Variants in GFRAL observed in about 807,000 individuals in gnomAD.
GFRAL encodes the protein GDNF family receptor alpha-like.
In GFRAL, 36 loss-of-function variants were observed where a neutral mutation model predicts 45.4. The ratio of observed to expected loss-of-function variants is 0.79; its 90% CI spans 0.61 to 1.05. The LOEUF (loss-of-function observed/expected upper bound fraction) is 1.05, where lower values mean the gene tolerates loss of function less well. Ranked by LOEUF, GFRAL falls within the 50% of genes least tolerant of loss-of-function variation. The pLI, the probability that GFRAL is intolerant of heterozygous loss-of-function variation, is 0.00. For synonymous variants in GFRAL, 166 were observed against 154.1 expected (o/e 1.08, Z -0.57); for missense variants, 507 against 467.5 (o/e 1.08, Z -0.78).
chr6:55,342,562 T>C (rs973772079), intron 3 of GFRAL, among the ~76,000 whole-genome samples: 6 of 152,100 alleles, frequency 3.9e-5, no homozygotes, highest in Admixed American at 2.0e-4. Context: ...ACCCAGCCAC[T>C]GAAAAACTCA....
At chr6:55,355,412 T>C (rs1192288021) in intron 5 of GFRAL, among the ~76,000 whole-genome samples, 1 of 152,090 alleles carries the variant, frequency 6.6e-6, no homozygotes, top group Non-Finnish European at 1.5e-5. Context: ...ATTGCATGGA[T>C]GTAGCTTAAT....
At chr6:55,376,425 G>A (rs1768535424) in intron 6 of GFRAL, among the ~76,000 whole-genome samples, 2 of 152,232 alleles carry the variant, frequency 1.3e-5, no homozygotes, top group South Asian at 2.1e-4. Context: ...AATAGTTTCA[G>A]TAGAAATGGT....
intron 3 of GFRAL, among the ~76,000 whole-genome samples, chr6:55,347,340 T>C (rs914935401): frequency 2.0e-5 from 3 of 152,122 alleles, no homozygotes; most frequent in Non-Finnish European, 4.4e-5. Context: ...AAGTCGATCA[T>C]TGGTGTGGCA....
rs377382550 is a variant in GFRAL at position 55,331,860 on chromosome 6, T to A, written c.157+11T>A. 1 of 1,603,156 alleles carries A rather than the reference T, an allele frequency of 6.2e-7. No homozygotes were observed. Among genetic ancestry groups the A allele is most frequent in the Non-Finnish European group, 8.5e-7 (1 of 1,175,396 alleles). On this transcript the variant is annotated intron_variant, in intron 2 of 8. Coordinates refer to ENST00000340465, the MANE Select transcript of GFRAL (RefSeq NM_207410.2). The stretch of plus-strand genomic sequence containing the variant: ...CCTGCAATGATTCAGGTAAACAAGT[T>A]GCTAAAAATACACTCAAATGATTTA...
At chr6:55,353,517 T>C (rs1038364607) in intron 5 of GFRAL, among the ~76,000 whole-genome samples, 1 of 151,838 alleles carries the variant, frequency 6.6e-6, no homozygotes. Context: ...TATTCAAGAA[T>C]TTTTCATGCA....
At chr6:55,336,410 G>A (rs1436513564) in intron 3 of GFRAL, among the ~76,000 whole-genome samples, 1 of 152,076 alleles carries the variant, frequency 6.6e-6, no homozygotes, top group Non-Finnish European at 1.5e-5. Flanking sequence ...TAACTTCATT[G>A]ATGTAGTTCA....
intron 6 of GFRAL, among the ~76,000 whole-genome samples, chr6:55,393,337 G>A (rs115986392): frequency 0.016 from 2,422 of 152,130 alleles, 34 homozygotes; most frequent in South Asian, 0.033. Context: ...TTTACTTATG[G>A]GATCTTTTGT....
chr6:55,391,489 C>A lies in GFRAL; in HGVS notation c.953-7691C>A, dbSNP rs937371130. On this transcript the variant is annotated intron_variant, in intron 6 of 8. Transcript: ENST00000340465. ...CAAAGGGCTACACATAGTGGCTCATCCATGTAATCCTAGAGCTTTGGGAGG... is the reference window on the plus strand; with the variant it reads ...CAAAGGGCTACACATAGTGGCTCATACATGTAATCCTAGAGCTTTGGGAGG... Among the ~76,000 whole-genome samples, 3 of 152,140 alleles carry A rather than the reference C, an allele frequency of 2.0e-5. No homozygotes were observed. In the East Asian group the frequency reaches 5.8e-4, roughly 29 times the overall value.
At chr6:55,345,274 T>C (rs565773837) in intron 3 of GFRAL, among the ~76,000 whole-genome samples, 1,992 of 152,220 alleles carry the variant, frequency 0.013, 23 homozygotes, top group Non-Finnish European at 0.022. Flanking sequence ...GGAGGCATCT[T>C]GCTACCTGAC....
chr6:55,393,909 G>T (rs1310304696), intron 6 of GFRAL, among the ~76,000 whole-genome samples: 1 of 152,116 alleles, frequency 6.6e-6, no homozygotes, highest in East Asian at 1.9e-4. Context: ...AGGCAGAAGT[G>T]AAAACAGGAA....
chr6:55,392,293 T>A (rs1038392751), intron 6 of GFRAL, among the ~76,000 whole-genome samples: 1 of 152,222 alleles, frequency 6.6e-6, no homozygotes, highest in African/African-American at 2.4e-5. Context: ...GGGAGCAAGG[T>A]CATGCATCAT....
intron 5 of GFRAL, among the ~76,000 whole-genome samples, chr6:55,354,684 C>T (rs570885804): frequency 6.6e-6 from 1 of 151,940 alleles, no homozygotes; most frequent in Non-Finnish European, 1.5e-5. Flanking sequence ...TAATGTAATT[C>T]AGATGAAAAA....
chr6:55,375,373 C>G (rs1768509810), intron 6 of GFRAL, among the ~76,000 whole-genome samples: 1 of 152,022 alleles, frequency 6.6e-6, no homozygotes, highest in Non-Finnish European at 1.5e-5. Flanking sequence ...ATATTTTGTT[C>G]TTTTTGTAGC....
At chr6:55,396,981 T>G (rs1768833790) in intron 6 of GFRAL, among the ~76,000 whole-genome samples, 1 of 151,060 alleles carries the variant, frequency 6.6e-6, no homozygotes, top group Non-Finnish European at 1.5e-5. Flanking sequence ...TGGGCTCAAG[T>G]GATCCTCACA....
chr6:55,382,626 G>T (rs1768626149), intron 6 of GFRAL, among the ~76,000 whole-genome samples: 1 of 151,922 alleles, frequency 6.6e-6, no homozygotes, highest in South Asian at 2.1e-4. Flanking sequence ...CAGCAACAAT[G>T]ACTCTAGAAG....
chr6:55,379,791 T>A (rs2127362859), intron 6 of GFRAL, among the ~76,000 whole-genome samples: 1 of 152,050 alleles, frequency 6.6e-6, no homozygotes, highest in South Asian at 2.1e-4. Flanking sequence ...TAGTTATGCA[T>A]CCTTTGACCA....
intron 3 of GFRAL, among the ~76,000 whole-genome samples, chr6:55,339,661 T>C (rs1182822991): frequency 6.6e-6 from 1 of 152,108 alleles, no homozygotes; most frequent in African/African-American, 2.4e-5. Flanking sequence ...TTCTGAAAAG[T>C]CAAAAAAGAT....
At chr6:55,350,016 TA>T in intron 3 of GFRAL, 75 bp from the exon 4 acceptor site, 2 of 847,978 alleles carry the variant, frequency 2.4e-6, no homozygotes, top group Non-Finnish European at 2.0e-6. Flanking sequence ...TACTCATTTA[TA>T]AATGTGGCCC....
rs1562046537 is a variant in GFRAL at position 55,331,789 on chromosome 6, CG to C, written c.98del (p.Arg33LeufsTer12). The part of the protein sequence containing the change: ...NCTYLREQCL[R>X]DANGCKHAWR... ...CACATATTTAAGAGAGCAATGCTTA[CG>C]TGATGCAAATGGATGTAAACATGCT... On this transcript the variant is annotated frameshift_variant, in exon 2 of 9. Coordinates refer to ENST00000340465, the MANE Select transcript of GFRAL (RefSeq NM_207410.2). LOFTEE classifies it high-confidence loss of function. 6.2e-7 allele frequency: 1 copy of C among 1,610,818 alleles called. No individual in the cohort carries two copies. Among genetic ancestry groups the C allele is most frequent in the Non-Finnish European group, 8.5e-7 (1 of 1,178,474 alleles).
Sources: allele counts gnomAD v4.1 joint callset (sites outside exome capture counted in the v4.1 genomes callset), GRCh38; gene constraint gnomAD v4.1.1; transcripts MANE v1.5; gene names NCBI Gene and HGNC (gene_info 2026-07-23, HGNC 2026-07-21).